Variants in SLIT1 observed in about 807,000 individuals in gnomAD.
SLIT1 encodes the protein slit guidance ligand 1.
Under a neutral mutation model 186.1 loss-of-function variants are expected in SLIT1, and 66 were observed. The observed-to-expected ratio is 0.35, with a 90% CI of 0.29 to 0.44. SLIT1 has a LOEUF of 0.44. SLIT1 is among the 20% of genes least tolerant of loss of function. The pLI, the probability that SLIT1 is intolerant of heterozygous loss-of-function variation, is 1.00. For missense variants in SLIT1, 1,638 were observed against 2,037.4 expected, an observed-to-expected ratio of 0.80 and a Z score of 3.77; for synonymous variants, 761 against 833.8, an observed-to-expected ratio of 0.91 and a Z score of 1.50.
chr10:97,099,336 C>T (rs763964881), intron 4 of SLIT1, among the ~76,000 whole-genome samples: 25 of 152,190 alleles, frequency 1.6e-4, no homozygotes, highest in African/African-American at 5.3e-4. Flanking sequence ...CCGCACCAGG[C>T]TGGCCTGCCT....
At chr10:97,151,607 G>A (rs1849881203) in intron 4 of SLIT1, among the ~76,000 whole-genome samples, 1 of 151,986 alleles carries the variant, frequency 6.6e-6, no homozygotes, top group Non-Finnish European at 1.5e-5. Flanking sequence ...GTGGATGGGT[G>A]AGGCAGGCTA....
At chr10:97,141,696 C>T (rs1353987741) in intron 4 of SLIT1, among the ~76,000 whole-genome samples, 4 of 95,932 alleles carry the variant, frequency 4.2e-5, no homozygotes, top group African/African-American at 1.3e-4. Flanking sequence ...CGTATCGTAT[C>T]GTATCGTATT....
chr10:97,094,470 C>G (rs1849265449), intron 4 of SLIT1, among the ~76,000 whole-genome samples: 1 of 152,246 alleles, frequency 6.6e-6, no homozygotes, highest in Non-Finnish European at 1.5e-5. Flanking sequence ...GGCTCCAAAA[C>G]TAGCCAAATT....
At position 97,006,685 on chromosome 10, in the gene SLIT1, G is replaced by T; in HGVS notation, c.3377C>A (p.Ala1126Asp). 1 of 1,614,060 alleles carries T rather than the reference G, an allele frequency of 6.2e-7. No homozygotes were observed. The highest frequency in any genetic ancestry group is 8.5e-7 in the Non-Finnish European group (1 of 1,179,948). Residue 1126 changes from alanine to aspartate, a missense_variant, in exon 32 of 37, where the codon GCC becomes GAC. Physicochemically the swap from Ala to Asp is moderately radical, Grantham distance 126. Around this residue, in one of 3 missense-constraint regions of SLIT1, gnomAD observed 1,245 missense variants for 1,535.3 expected, o/e 0.81. Transcript: ENST00000266058. This position sits in a 1 kb window ranked among gnomAD's most constrained non-coding sequence, Gnocchi z 4.0. Reference protein sequence around the residue: ...QLCEIPPHLPAPKSPCEGTEC... With the variant: ...QLCEIPPHLPDPKSPCEGTEC... The stretch of plus-strand genomic sequence containing the variant: ...AGTCCCCTCACAGGGGCTCTTGGGG[G>T]CAGGCAGATGGGGAGGGATCTCACA...
intron 22 of SLIT1, among the ~76,000 whole-genome samples, chr10:97,035,122 TC>T (rs148875536): frequency 6.6e-6 from 1 of 151,802 alleles, no homozygotes; most frequent in African/African-American, 2.4e-5. Flanking sequence ...ACAACTGATC[TC>T]TCTTCTCTTC....
chr10:97,158,087 G>T (rs1849974544), intron 3 of SLIT1, among the ~76,000 whole-genome samples, 198 bp from the exon 4 acceptor site: 1 of 152,162 alleles, frequency 6.6e-6, no homozygotes, highest in African/African-American at 2.4e-5. Context: ...CACCCAGCAC[G>T]AGGGGAGGAT....
chr10:97,041,815 T>C (rs955003808), intron 20 of SLIT1, among the ~76,000 whole-genome samples: 1 of 152,032 alleles, frequency 6.6e-6, no homozygotes, highest in African/African-American at 2.4e-5. Flanking sequence ...TCCTTGGTTG[T>C]TGTTGTTTTA....
At chr10:97,098,438 G>A (rs1259345416) in intron 4 of SLIT1, among the ~76,000 whole-genome samples, 2 of 152,236 alleles carry the variant, frequency 1.3e-5, no homozygotes, top group African/African-American at 4.8e-5. Flanking sequence ...GAGGGACCTG[G>A]GAGACGTGAG....
At chr10:97,034,271 T>A (rs762059287) in intron 23 of SLIT1, among the ~76,000 whole-genome samples, 200 bp downstream of exon 23, 36 of 152,276 alleles carry the variant, frequency 2.4e-4, no homozygotes, top group Admixed American at 4.6e-4. Flanking sequence ...GCATTATTAT[T>A]TTCCATATAT....
chr10:97,021,140 A>AC lies in SLIT1; in HGVS notation c.2746+109dup, dbSNP rs952304772. 3.7e-5 allele frequency: 40 copies of AC among 1,066,876 alleles called. No homozygotes were observed. In the Middle Eastern group the frequency reaches 7.8e-4, roughly 21 times the overall value. 66.1% of individuals were successfully genotyped at this position (1,066,876 alleles called of 1,614,324 possible). On this transcript the variant is annotated intron_variant, in intron 26 of 36. Coordinates refer to ENST00000266058, the MANE Select transcript of SLIT1 (RefSeq NM_003061.3). This position sits in a 1 kb window ranked among gnomAD's most constrained non-coding sequence, Gnocchi z 4.5. ...GCAGGTGCCTTGTTCCTGTCCCCTG[A>AC]CCCCCCGCCCAGCGGTCACCACAGG...
At chr10:97,011,505 C>A (rs1263984945) in intron 30 of SLIT1, among the ~76,000 whole-genome samples, 1 of 152,116 alleles carries the variant, frequency 6.6e-6, no homozygotes, top group Non-Finnish European at 1.5e-5. Flanking sequence ...CTGCACCCTC[C>A]CTGTTCTCCC....
At chr10:97,062,307 A>T (rs1029900906) in intron 8 of SLIT1, among the ~76,000 whole-genome samples, 4 of 152,144 alleles carry the variant, frequency 2.6e-5, no homozygotes, top group African/African-American at 7.2e-5. Context: ...AGTGCAATGG[A>T]GGAGGTGACA....
At chr10:97,038,678 C>A (rs866626353) in intron 21 of SLIT1, among the ~76,000 whole-genome samples, 3 of 152,112 alleles carry the variant, frequency 2.0e-5, no homozygotes, top group Admixed American at 6.5e-5. Flanking sequence ...TCTCCACCCC[C>A]CAACTAACTA....
At chr10:97,096,587 G>C (rs1264058600) in intron 4 of SLIT1, among the ~76,000 whole-genome samples, 3 of 152,154 alleles carry the variant, frequency 2.0e-5, no homozygotes, top group South Asian at 4.1e-4. Flanking sequence ...CGAGCAGGAG[G>C]GGCCAGGAAT....
chr10:97,069,619 T>C (rs1450691011), intron 4 of SLIT1, among the ~76,000 whole-genome samples: 1 of 152,112 alleles, frequency 6.6e-6, no homozygotes, highest in East Asian at 1.9e-4. Context: ...AAAGAGTTGA[T>C]GTGTCCCAGA....
chr10:97,060,272 C>A, intron 9 of SLIT1, 114 bp from the exon 10 acceptor site: 1 of 847,204 alleles, frequency 1.2e-6, no homozygotes, highest in Non-Finnish European at 2.0e-6. Context: ...GCCCCTGCTC[C>A]CTTCCCACTT....
At chr10:97,178,764 G>A (rs1429671500) in intron 1 of SLIT1, among the ~76,000 whole-genome samples, 2 of 143,408 alleles carry the variant, frequency 1.4e-5, no homozygotes, top group Non-Finnish European at 3.0e-5. Context: ...ATGAGTGTGT[G>A]CGATAGAGAG....
chr10:97,130,940 G>C (rs531476600), intron 4 of SLIT1, among the ~76,000 whole-genome samples: 24 of 152,190 alleles, frequency 1.6e-4, no homozygotes, highest in African/African-American at 5.8e-4. Flanking sequence ...TCTGTGATCT[G>C]GACCCCTAAA....
rs563901662 is a variant in SLIT1, at chr10:97,118,945, A to G, written c.413+38873T>C. Among the ~76,000 whole-genome samples the G allele has an allele frequency of 9.2e-5, 14 of 152,344 alleles. No individual in the cohort carries two copies. In the East Asian group the frequency reaches 2.7e-3, roughly 29 times the overall value. On this transcript the variant is annotated intron_variant, in intron 4 of 36. Coordinates refer to ENST00000266058, the MANE Select transcript of SLIT1 (RefSeq NM_003061.3). ...CACACATGCACAACATATGGCTTGG[A>G]GAGAAACGGAAATACATCCCTGCTC...
Sources: allele counts gnomAD v4.1 joint callset (sites outside exome capture counted in the v4.1 genomes callset), GRCh38; gene constraint gnomAD v4.1.1; regional missense constraint gnomAD v4.1.1; non-coding constraint Gnocchi (gnomAD v3.1); transcripts MANE v1.5; gene names NCBI Gene and HGNC (gene_info 2026-07-23, HGNC 2026-07-21).